Variants in MAD1L1 observed in about 807,000 individuals in gnomAD.
The protein encoded by MAD1L1 is mitotic arrest deficient 1 like 1.
A neutral mutation model predicts 96.9 loss-of-function variants in MAD1L1; 95 were observed. That is an observed-to-expected ratio of 0.98 (90% CI 0.83 to 1.16). MAD1L1 has a LOEUF of 1.16. Among genes scored for constraint, MAD1L1 ranks in the 50% most tolerant of loss-of-function variants. MAD1L1 has a pLI of 0.00. For missense variants in MAD1L1, 1,007 were observed against 954.4 expected (o/e 1.06, Z -0.73); for synonymous variants, 473 against 396.6 (o/e 1.19, Z -2.29).
intron 17 of MAD1L1, among the ~76,000 whole-genome samples, chr7:1,920,286 T>A (rs995779102): frequency 2.0e-5 from 3 of 151,992 alleles, no homozygotes; most frequent in Non-Finnish European, 2.9e-5. Flanking sequence ...ATTCTACGAG[T>A]TCTGTGTTTC....
In MAD1L1 at chr7:2,225,472, T is replaced by C; in HGVS notation, c.229A>G (p.Ser77Gly). 1 of 1,614,162 alleles carries C rather than the reference T, an allele frequency of 6.2e-7. No homozygotes were observed. Among genetic ancestry groups the C allele is most frequent in the Middle Eastern group, 1.6e-4 (1 of 6,062 alleles). ...AGCTCCACTCGAGCCCTCTTGTGAC[T>C]CAGCTCCATCTGCATTTTCTCCCGC... ...VEREKMQMELSHKRARVELER... is the reference protein window; with the variant it reads ...VEREKMQMELGHKRARVELER... Residue 77 changes from serine to glycine, a missense_variant, in exon 4 of 19, where the codon AGT (serine) becomes GGT (glycine). Transcript: ENST00000265854.
intron 11 of MAD1L1, among the ~76,000 whole-genome samples, chr7:2,084,082 G>A (rs185557613): frequency 2.1e-4 from 32 of 152,342 alleles, no homozygotes; most frequent in African/African-American, 6.3e-4. Flanking sequence ...GTTAACCAGC[G>A]GCTTCCTCTG....
intron 16 of MAD1L1, 145 bp from the exon 17 acceptor site, chr7:1,937,042 C>A: frequency 1.5e-6 from 1 of 674,284 alleles, no homozygotes; most frequent in Middle Eastern, 3.1e-4. Context: ...TCTTCTTGAG[C>A]CTGCCTGGCA....
chr7:2,047,306 G>T (rs1257080520), intron 12 of MAD1L1, among the ~76,000 whole-genome samples: 1 of 152,170 alleles, frequency 6.6e-6, no homozygotes, highest in Non-Finnish European at 1.5e-5. Flanking sequence ...AACCCTGGGG[G>T]CCTGTCTGCA....
At chr7:2,011,109 C>A (rs1782280251) in intron 13 of MAD1L1, among the ~76,000 whole-genome samples, 2 of 152,266 alleles carry the variant, frequency 1.3e-5, no homozygotes, top group South Asian at 4.1e-4. Flanking sequence ...CAGGAGCCCT[C>A]CCCGGCTGGG....
intron 18 of MAD1L1, among the ~76,000 whole-genome samples, chr7:1,839,609 T>C (rs1353348927): frequency 6.6e-6 from 1 of 152,024 alleles, no homozygotes; most frequent in African/African-American, 2.4e-5. Context: ...GTCAAAGGAG[T>C]AACTTTCTAA....
chr7:1,854,322 C>T (rs749643608), intron 18 of MAD1L1: 2 of 460,902 alleles, frequency 4.3e-6, no homozygotes, highest in Admixed American at 2.3e-5. Flanking sequence ...CGTCCTGGGC[C>T]CCGGCAGCTC....
At chr7:2,118,854 A>T (rs977449287) in intron 11 of MAD1L1, among the ~76,000 whole-genome samples, 3 of 152,170 alleles carry the variant, frequency 2.0e-5, no homozygotes, top group African/African-American at 7.2e-5. Context: ...CGTCCCTAGC[A>T]TTCCACAGCC....
intron 18 of MAD1L1, chr7:1,838,936 G>A (rs1078111): frequency 0.033 from 13,774 of 422,498 alleles, 701 homozygotes; most frequent in African/African-American, 0.15. Context: ...GACAGAGTGT[G>A]CAAAGACACG....
chr7:2,075,091 C>T (rs1005314680), intron 11 of MAD1L1, among the ~76,000 whole-genome samples: 4 of 152,170 alleles, frequency 2.6e-5, no homozygotes, highest in African/African-American at 9.6e-5. Flanking sequence ...GGCATGTGTC[C>T]ATGAGGTGCC....
intron 18 of MAD1L1, chr7:1,845,706 T>G (rs1451903800): frequency 2.6e-5 from 4 of 152,168 alleles, no homozygotes; most frequent in Middle Eastern, 6.8e-3. Context: ...GAGCGCTGTT[T>G]AGGAGATGGA....
intron 17 of MAD1L1, among the ~76,000 whole-genome samples, chr7:1,899,574 T>C (rs976711943): frequency 2.0e-5 from 3 of 152,178 alleles, no homozygotes; most frequent in African/African-American, 7.2e-5. Flanking sequence ...CATGGCCATA[T>C]GGTTGGAGAG....
intron 18 of MAD1L1, among the ~76,000 whole-genome samples, chr7:1,839,311 T>TCTGCCTCCTGCCTGGCAGGAAAGCGTC (rs1157354240): frequency 2.5e-4 from 38 of 150,524 alleles, no homozygotes; most frequent in Admixed American, 4.0e-4. Flanking sequence ...CAGGGAGGGC[T>TCTGCCTCCTGCCTGGCAGGAAAGCGTC]CTGCCTCCTG....
At chr7:2,160,713 AT>A (rs933467887) in intron 10 of MAD1L1, among the ~76,000 whole-genome samples, 6 of 151,628 alleles carry the variant, frequency 4.0e-5, no homozygotes, top group African/African-American at 1.2e-4. Flanking sequence ...GCTCACTGGA[AT>A]CTCCGCTCTC....
At chr7:2,049,616 G>A (rs1784077467) in intron 12 of MAD1L1, among the ~76,000 whole-genome samples, 1 of 152,184 alleles carries the variant, frequency 6.6e-6, no homozygotes, top group Non-Finnish European at 1.5e-5. Context: ...CAGACACCTG[G>A]GTCCAGCAGC....
chr7:2,204,395 G>A (rs371872907), intron 10 of MAD1L1, among the ~76,000 whole-genome samples: 5 of 152,278 alleles, frequency 3.3e-5, no homozygotes, highest in Middle Eastern at 3.4e-3. Context: ...GCTTTGCTGC[G>A]TGTACACCTG....
chr7:2,078,153 T>G (rs1785469181), intron 11 of MAD1L1, among the ~76,000 whole-genome samples: 1 of 152,064 alleles, frequency 6.6e-6, no homozygotes, highest in African/African-American at 2.4e-5. Context: ...AGGCTCCTTG[T>G]GTATCTGAGG....
At chr7:1,887,553 G>A (rs1786153657) in intron 18 of MAD1L1, among the ~76,000 whole-genome samples, 1 of 151,832 alleles carries the variant, frequency 6.6e-6, no homozygotes, top group South Asian at 2.1e-4. Flanking sequence ...CTGTGCATGT[G>A]TGCAAGCATG....
chr7:1,944,729 CG>C (rs1325456142), intron 16 of MAD1L1, among the ~76,000 whole-genome samples: 1 of 152,222 alleles, frequency 6.6e-6, no homozygotes, highest in African/African-American at 2.4e-5. Context: ...CCCACCCCGT[CG>C]GCCCTCTCCC....
Sources: allele counts gnomAD v4.1 joint callset (sites outside exome capture counted in the v4.1 genomes callset), GRCh38; gene constraint gnomAD v4.1.1; transcripts MANE v1.5; gene names NCBI Gene and HGNC (gene_info 2026-07-23, HGNC 2026-07-21).